CELF5: variants seen among roughly 807,000 people sequenced by gnomAD.
CELF5 encodes the protein CUGBP Elav-like family member 5, also known as CUG-BP and ETR-3 like factor 5.
A neutral mutation model predicts 54.9 loss-of-function variants in CELF5; 6 were observed. That is an observed-to-expected ratio of 0.11 (90% CI 0.06 to 0.22). The LOEUF (loss-of-function observed/expected upper bound fraction) is 0.22, where lower values mean the gene tolerates loss of function less well. Among genes scored for constraint, CELF5 ranks in the 10% least tolerant of loss-of-function variants. The pLI, the probability that CELF5 is intolerant of heterozygous loss-of-function variation, is 1.00. For synonymous variants in CELF5, 271 were observed against 290.9 expected (o/e 0.93, Z 0.70); for missense variants, 401 against 678.6 (o/e 0.59, Z 4.54).
At position 3,278,697 on chromosome 19, in the gene CELF5, G is replaced by GTGTGTTTGTGTGTGTGTT. The variant is rs1568357442; in HGVS notation, c.603+590_603+591insGTTTGTGTGTGTGTTTGT. ...GGCAGGTTTGTGTGTGTGTGTGTGT[G>GTGTGTTTGTGTGTGTGTT]TGTTTGTGTGTGTGCATGACTGTGA... On this transcript the variant is annotated intron_variant, in intron 5 of 12. Transcript: ENST00000292672. The surrounding 1 kb of genome is among the most constrained non-coding windows in gnomAD (Gnocchi z 4.5). Among the ~76,000 whole-genome samples the GTGTGTTTGTGTGTGTGTT allele has an allele frequency of 6.6e-6, 1 of 151,694 alleles. No homozygotes were observed. The highest frequency in any genetic ancestry group is 1.5e-5 in the Non-Finnish European group (1 of 67,924).
At chr19:3,256,730 G>A (rs1050945327) in intron 2 of CELF5, among the ~76,000 whole-genome samples, 4 of 151,756 alleles carry the variant, frequency 2.6e-5, no homozygotes, top group Non-Finnish European at 5.9e-5. Context: ...ACCGTGCCAT[G>A]CTAGTTTCTG....
chr19:3,247,723 T>C (rs1480185938), intron 1 of CELF5, among the ~76,000 whole-genome samples: 6 of 151,998 alleles, frequency 3.9e-5, no homozygotes. Flanking sequence ...TTACAATGTT[T>C]ATTGTGGTGA....
chr19:3,285,213 A>AC (rs2080219872), intron 9 of CELF5, among the ~76,000 whole-genome samples: 2 of 151,848 alleles, frequency 1.3e-5, no homozygotes, highest in South Asian at 4.1e-4. Flanking sequence ...GACAGCGCTT[A>AC]CCCATGGCCT....
intron 1 of CELF5, among the ~76,000 whole-genome samples, chr19:3,239,898 C>T (rs954099233): frequency 2.0e-5 from 3 of 152,146 alleles, no homozygotes; most frequent in Admixed American, 6.5e-5. Flanking sequence ...CCAACCCCTG[C>T]TCAAACACCT....
At chr19:3,284,998 T>G (rs1228507598) in intron 9 of CELF5, 34 bp downstream of exon 9, 4 of 1,504,304 alleles carry the variant, frequency 2.7e-6, no homozygotes, top group Non-Finnish European at 2.7e-6. Flanking sequence ...CGCTGGGCCC[T>G]GGCCCCGCCC....
intron 3 of CELF5, among the ~76,000 whole-genome samples, 192 bp downstream of exon 3, chr19:3,274,115 G>T (rs941860099): frequency 7.2e-5 from 11 of 152,100 alleles, no homozygotes; most frequent in Admixed American, 1.3e-4. Flanking sequence ...GGAGAAGCAG[G>T]TTCCAGAGAG....
intron 2 of CELF5, among the ~76,000 whole-genome samples, chr19:3,263,583 C>CAA (rs995347661): frequency 8.0e-5 from 12 of 149,812 alleles, no homozygotes; most frequent in African/African-American, 3.0e-4. Context: ...AACAAACAAA[C>CAA]AAACAAATAT....
At chr19:3,239,531 C>T (rs1335699359) in intron 1 of CELF5, among the ~76,000 whole-genome samples, 1 of 150,700 alleles carries the variant, frequency 6.6e-6, no homozygotes, top group African/African-American at 2.5e-5. Context: ...CCATCATGCC[C>T]GGCTAACTTT....
chr19:3,226,476 A>ACACACAC (rs1555715644), intron 1 of CELF5, among the ~76,000 whole-genome samples: 4 of 150,976 alleles, frequency 2.6e-5, no homozygotes, highest in Admixed American at 6.6e-5. Context: ...ACACACACAC[A>ACACACAC]AAATTGGGCC....
At chr19:3,263,766 G>C (rs941474419) in intron 2 of CELF5, among the ~76,000 whole-genome samples, 1 of 151,274 alleles carries the variant, frequency 6.6e-6, no homozygotes, top group African/African-American at 2.4e-5. Context: ...TGAGCCGGGC[G>C]TGGTGGTGGG....
intron 5 of CELF5, among the ~76,000 whole-genome samples, chr19:3,280,166 A>C (rs1033666069): frequency 3.9e-5 from 6 of 152,214 alleles, no homozygotes; most frequent in African/African-American, 1.4e-4. Context: ...GATGGCAGTC[A>C]CATGGGTTTC....
At chr19:3,288,126 G>A (rs1393710067) in intron 10 of CELF5, among the ~76,000 whole-genome samples, 14 of 152,200 alleles carry the variant, frequency 9.2e-5, no homozygotes, top group Admixed American at 9.2e-4. Context: ...TTTTTCAGCG[G>A]TCGCCCACAG....
intron 2 of CELF5, among the ~76,000 whole-genome samples, chr19:3,262,372 TTTAAAC>T (rs1234265677): frequency 6.6e-6 from 1 of 152,130 alleles, no homozygotes; most frequent in East Asian, 1.9e-4. Flanking sequence ...TAATTTGAAA[TTTAAAC>T]TTAAACCACC....
At chr19:3,274,024 G>C (rs541302772) in intron 3 of CELF5, 101 bp downstream of exon 3, 1 of 1,204,912 alleles carries the variant, frequency 8.3e-7, no homozygotes. Context: ...GGCAGTGGCC[G>C]AGGCCTGTGG....
rs60632293 is a variant in CELF5, at chr19:3,228,875, C to CGTGTGTGTGTGT, written c.259+3906_259+3917dup. 3.2e-5 allele frequency among the ~76,000 whole-genome samples: 4 copies of CGTGTGTGTGTGT among 124,108 alleles called. No individual in the cohort carries two copies. The highest frequency in any genetic ancestry group is 9.4e-5 in the African/African-American group (3 of 31,846). 81.4% of individuals were successfully genotyped at this position (124,108 alleles called of 152,430 possible). A position where few individuals can be genotyped will look rare whatever the true frequency, so the allele number is the denominator to read the frequency against. ...GGGGGTGGCTGGCAGGGTTGGCCGG[C>CGTGTGTGTGTGT]GTGTGTGTGTGTGTGTGTGTGTGTG... On this transcript the variant is annotated intron_variant, in intron 1 of 12. Transcript: ENST00000292672. The surrounding 1 kb of genome is among the most constrained non-coding windows in gnomAD (Gnocchi z 6.0).
rs1195106401 is a variant in CELF5, at chr19:3,278,318, T to C, written c.603+208T>C. On this transcript the variant is annotated intron_variant, in intron 5 of 12. Coordinates refer to ENST00000292672, the MANE Select transcript of CELF5 (RefSeq NM_021938.4). This position sits in a 1 kb window ranked among gnomAD's most constrained non-coding sequence, Gnocchi z 4.5. ...GTGTGAGTGTGTGCAGATGTGGAGG[T>C]GAGTAGGCAAGCGAAGTGTATGTGT... 6.6e-6 allele frequency among the ~76,000 whole-genome samples: 1 copy of C among 151,058 alleles called. No individual in the cohort carries two copies. The highest frequency in any genetic ancestry group is 1.5e-5 in the Non-Finnish European group (1 of 67,796).
rs138070773 is a variant in CELF5, at chr19:3,264,575, C to T, written c.343-9297C>T. ...GGACTACAGGCACCCGCCACCACGC[C>T]CGGCTAATGTTTTTGTATTTTTAGT... On this transcript the variant is annotated intron_variant, in intron 2 of 12. Transcript: ENST00000292672. Among the ~76,000 whole-genome samples the T allele has an allele frequency of 6.4e-3, 975 of 151,998 alleles. 2 individuals are homozygous for T. Among genetic ancestry groups the T allele is most frequent in the Non-Finnish European group, 8.5e-3 (576 of 67,984 alleles).
rs780457278 is a variant in CELF5, at chr19:3,225,016, T to TC, written c.259+24dup. 4.2e-6 allele frequency: 4 copies of TC among 956,606 alleles called. No homozygotes were observed. Among genetic ancestry groups the TC allele is most frequent in the African/African-American group, 3.1e-5 (1 of 31,798 alleles). The allele number at this position is 956,606 out of a possible 1,614,324, so 59.3% of individuals were successfully genotyped here. A position where few individuals can be genotyped will look rare whatever the true frequency, so the allele number is the denominator to read the frequency against. ...GCACAAAGGTGGGCGCCCGGCCCCC[T>TC]CCCCCCTCTCCCCCTCCCTCCGCCT... is the stretch of plus-strand genomic sequence containing the variant. On this transcript the variant is annotated intron_variant, in intron 1 of 12. Coordinates refer to ENST00000292672, the MANE Select transcript of CELF5 (RefSeq NM_021938.4).
At chr19:3,249,554 T>G (rs555491313) in intron 1 of CELF5, among the ~76,000 whole-genome samples, 8 of 142,576 alleles carry the variant, frequency 5.6e-5, no homozygotes, top group Non-Finnish European at 1.2e-4. Flanking sequence ...TCTGGGCCAC[T>G]CTATGGGCTG....
Sources: gnomAD v4.1 joint callset for allele counts (sites outside exome capture counted in the v4.1 genomes callset) on GRCh38, gnomAD v4.1.1 for gene constraint, Gnocchi (gnomAD v3.1) non-coding constraint, MANE v1.5 for transcripts, NCBI Gene and HGNC (gene_info 2026-07-23, HGNC 2026-07-21) for gene names.